Variants in SLC24A2 observed in about 807,000 individuals in gnomAD.
SLC24A2 encodes sodium/potassium/calcium exchanger 2.
Under a neutral mutation model 62.0 loss-of-function variants are expected in SLC24A2, and 36 were observed. The observed-to-expected ratio is 0.58, with a 90% CI of 0.44 to 0.77. The LOEUF (loss-of-function observed/expected upper bound fraction) is 0.77, where lower values mean the gene tolerates loss of function less well. Ranked by LOEUF, SLC24A2 falls within the 30% of genes least tolerant of loss-of-function variation. SLC24A2 has a pLI of 0.00. For synonymous variants in SLC24A2, 358 were observed against 294.0 expected (o/e 1.22, Z -2.23); for missense variants, 846 against 817.9 (o/e 1.03, Z -0.42).
At chr9:19,852,727 GTAGTACAA>G in the SLC24A2 span, among the ~76,000 whole-genome samples, 1 of 152,042 alleles carries the variant, frequency 6.6e-6, no homozygotes, top group Non-Finnish European at 1.5e-5. Context: ...CTGTAGCCTG[GTAGTACAA>G]TGAGGTGAAG....
chr9:20,070,619 G>A, the SLC24A2 span, among the ~76,000 whole-genome samples: 11 of 152,306 alleles, frequency 7.2e-5, no homozygotes, highest in South Asian at 2.1e-4. Context: ...CAGAGGCAAA[G>A]TCTTTCATGA....
rs1832570565 is a variant in SLC24A2 at position 19,508,102 on chromosome 9, T to C, written c.*8051A>G. ...TAGCTTTTGCTATTCTTAGCTTTGA[T>C]GGCTTTTTAAGTATGTGGATTGCTT... On this transcript the variant is annotated 3_prime_UTR_variant, in exon 11 of 11. Transcript: ENST00000341998. The C allele has an allele frequency of 6.6e-6, 1 of 152,260 alleles. No homozygotes were observed. The highest frequency in any genetic ancestry group is 2.1e-4 in the South Asian group (1 of 4,832). The allele number at this position is 152,260 out of a possible 1,614,324, so 9.4% of individuals were successfully genotyped here.
At chr9:19,517,910 A>AACACACACACACACAC (rs56840950) in intron 10 of SLC24A2, among the ~76,000 whole-genome samples, 8 of 131,716 alleles carry the variant, frequency 6.1e-5, no homozygotes, top group African/African-American at 1.4e-4. Flanking sequence ...TTCTTATTAA[A>AACACACACACACACAC]ACACACACAC....
upstream of SLC24A2, among the ~76,000 whole-genome samples, chr9:19,789,285 G>A (rs1823274365): frequency 6.6e-6 from 1 of 152,262 alleles, no homozygotes; most frequent in Non-Finnish European, 1.5e-5. Context: ...ACAGGTCGGT[G>A]ACGCGCCTAA....
At chr9:19,668,046 C>T (rs1819307657) in intron 2 of SLC24A2, among the ~76,000 whole-genome samples, 1 of 152,114 alleles carries the variant, frequency 6.6e-6, no homozygotes, top group Non-Finnish European at 1.5e-5. Context: ...TCCTTGGCCA[C>T]ATTGGAAGCT....
upstream of SLC24A2, among the ~76,000 whole-genome samples, chr9:19,792,382 G>A (rs1823328576): frequency 6.6e-6 from 1 of 152,026 alleles, no homozygotes; most frequent in Non-Finnish European, 1.5e-5. Context: ...ACTGTCATGA[G>A]CAGAAGGTGA....
intron 8 of SLC24A2, among the ~76,000 whole-genome samples, chr9:19,533,056 G>A (rs1465661782): frequency 2.0e-5 from 3 of 152,154 alleles, no homozygotes; most frequent in African/African-American, 7.2e-5. Flanking sequence ...TTAATTATGT[G>A]AGCTGAAATT....
chr9:19,660,762 G>A (rs1287029380), intron 2 of SLC24A2, among the ~76,000 whole-genome samples: 1 of 152,134 alleles, frequency 6.6e-6, no homozygotes, highest in Non-Finnish European at 1.5e-5. Context: ...AGAACTTTTA[G>A]CACAACCAAC....
the SLC24A2 span, among the ~76,000 whole-genome samples, chr9:19,922,565 T>C: frequency 6.6e-6 from 1 of 152,182 alleles, no homozygotes; most frequent in Non-Finnish European, 1.5e-5. Context: ...CCAGGCCTCC[T>C]CCCAGCTGTG....
chr9:19,664,109 G>A (rs1313671346), intron 2 of SLC24A2, among the ~76,000 whole-genome samples: 1 of 152,196 alleles, frequency 6.6e-6, no homozygotes, highest in Non-Finnish European at 1.5e-5. Flanking sequence ...GTCACATCAC[G>A]CATAGATTAA....
chr9:20,178,216 T>C, the SLC24A2 span, among the ~76,000 whole-genome samples: 1 of 152,130 alleles, frequency 6.6e-6, no homozygotes, highest in Non-Finnish European at 1.5e-5. Context: ...ACACTGGCTT[T>C]CCTAATCCAA....
chr9:19,562,417 C>T (rs939581073), intron 7 of SLC24A2, among the ~76,000 whole-genome samples: 1 of 152,032 alleles, frequency 6.6e-6, no homozygotes, highest in African/African-American at 2.4e-5. Flanking sequence ...TTCAGAAAGC[C>T]CAATGACAAG....
chr9:19,597,406 G>A (rs1183283351), intron 4 of SLC24A2, 127 bp from the exon 5 acceptor site: 5 of 730,934 alleles, frequency 6.8e-6, no homozygotes, highest in Non-Finnish European at 1.3e-5. Flanking sequence ...TAACTATATG[G>A]AGATGTGCAA....
chr9:19,564,726 T>A (rs888997293), intron 7 of SLC24A2, among the ~76,000 whole-genome samples: 5 of 152,202 alleles, frequency 3.3e-5, no homozygotes, highest in African/African-American at 1.2e-4. Flanking sequence ...AGCCGTCTCA[T>A]GCTACATGAA....
chr9:20,078,479 C>G, the SLC24A2 span, among the ~76,000 whole-genome samples: 8 of 152,144 alleles, frequency 5.3e-5, no homozygotes, highest in Admixed American at 2.0e-4. Context: ...GTGAGCAGTA[C>G]AAGAACAAGA....
chr9:20,253,915 C>A, the SLC24A2 span, among the ~76,000 whole-genome samples: 1 of 152,066 alleles, frequency 6.6e-6, no homozygotes, highest in African/African-American at 2.4e-5. Context: ...ATACCAAATG[C>A]TTTACAAATG....
At chr9:20,149,935 T>G in the SLC24A2 span, among the ~76,000 whole-genome samples, 1 of 152,064 alleles carries the variant, frequency 6.6e-6, no homozygotes, top group Admixed American at 6.6e-5. Context: ...TGCTGTCCAC[T>G]GAATATTCTC....
the SLC24A2 span, among the ~76,000 whole-genome samples, chr9:20,109,215 A>C: frequency 6.6e-6 from 1 of 152,282 alleles, no homozygotes; most frequent in African/African-American, 2.4e-5. Flanking sequence ...ATTTCTCAAA[A>C]TTTATCCTTA....
the SLC24A2 span, among the ~76,000 whole-genome samples, chr9:20,124,723 GCCCCCAGTT>G: frequency 6.6e-6 from 1 of 152,146 alleles, no homozygotes; most frequent in Non-Finnish European, 1.5e-5. Flanking sequence ...AGTTTAATGT[GCCCCCAGTT>G]CCCTCTCTTA....
Sources: gnomAD v4.1 joint callset for allele counts (sites outside exome capture counted in the v4.1 genomes callset) on GRCh38, gnomAD v4.1.1 for gene constraint, MANE v1.5 for transcripts, NCBI Gene and HGNC (gene_info 2026-07-23, HGNC 2026-07-21) for gene names.